The following COP1 variants were observed in gnomAD, a reference collection of about 807,000 sequenced individuals.
COP1 encodes the protein COP1 E3 ubiquitin ligase, also known as E3 ubiquitin-protein ligase COP1.
Under a neutral mutation model 101.3 loss-of-function variants are expected in COP1, and 24 were observed. The ratio of observed to expected loss-of-function variants is 0.24; its 90% confidence interval spans 0.17 to 0.33. The LOEUF (loss-of-function observed/expected upper bound fraction) is 0.33. COP1 is among the 10% of genes least tolerant of loss of function. COP1 has a pLI of 1.00. For missense variants in COP1, 663 were observed against 906.2 expected (o/e 0.73, Z 3.45); for synonymous variants, 347 against 341.9 (o/e 1.01, Z -0.17).
In COP1 at chr1:175,973,772, T is replaced by C. The variant is rs190650810; in HGVS notation, c.2133+13171A>G. Among the ~76,000 whole-genome samples the C allele has an allele frequency of 3.1e-3, 474 of 152,342 alleles. 2 individuals carry two copies. The highest frequency in any genetic ancestry group is 0.01 in the Middle Eastern group (3 of 294). On this transcript the variant is annotated intron_variant, in intron 18 of 19. Transcript: ENST00000367669. ...CCCAATGAACACTCTAATATTTTTGTGGCTACAAAACTCAGCATTGTGCAA... is the reference window on the plus strand; with the variant it reads ...CCCAATGAACACTCTAATATTTTTGCGGCTACAAAACTCAGCATTGTGCAA...
chr1:176,010,962 C>T (rs1664555365), intron 15 of COP1, among the ~76,000 whole-genome samples: 1 of 152,080 alleles, frequency 6.6e-6, no homozygotes, highest in South Asian at 2.1e-4. Flanking sequence ...AGCCTGAGGA[C>T]AGATTAAAGT....
At chr1:176,151,403 AAGAAAG>A (rs1692551928) in intron 5 of COP1, among the ~76,000 whole-genome samples, 1 of 135,644 alleles carries the variant, frequency 7.4e-6, no homozygotes, top group African/African-American at 2.5e-5. Flanking sequence ...GAAAGAAAGA[AAGAAAG>A]AAAGAAAGAA....
intron 15 of COP1, among the ~76,000 whole-genome samples, chr1:175,992,110 A>G (rs1253555577): frequency 3.3e-5 from 5 of 152,244 alleles, no homozygotes; most frequent in African/African-American, 1.2e-4. Context: ...TAGTTGGTAT[A>G]TACACTTATG....
intron 11 of COP1, among the ~76,000 whole-genome samples, chr1:176,049,517 A>G (rs1672169509): frequency 6.6e-6 from 1 of 152,090 alleles, no homozygotes; most frequent in East Asian, 1.9e-4. Flanking sequence ...AAAAGTATAA[A>G]GAATAATATT....
intron 9 of COP1, among the ~76,000 whole-genome samples, chr1:176,089,217 A>G (rs1680816834): frequency 6.6e-6 from 1 of 151,752 alleles, no homozygotes; most frequent in Non-Finnish European, 1.5e-5. Context: ...CACTTGAACC[A>G]GGGCTGCAGG....
In COP1 at chr1:175,979,565, A is replaced by G. The variant is rs559539028; in HGVS notation, c.2133+7378T>C. 1.3e-4 allele frequency among the ~76,000 whole-genome samples: 19 copies of G among 151,730 alleles called. No individual in the cohort carries two copies. The South Asian group carries it at 3.3e-3, about 27-fold the overall frequency. ...TGGAGAAGGGAAGGGAGAACATAAT[A>G]TAAATGTAATAAAAATATTAAGCCA... On this transcript the variant is annotated intron_variant, in intron 18 of 19. Transcript: ENST00000367669.
intron 15 of COP1, among the ~76,000 whole-genome samples, chr1:176,006,252 G>T (rs961166810): frequency 5.3e-5 from 8 of 152,076 alleles, no homozygotes; most frequent in Non-Finnish European, 1.0e-4. Flanking sequence ...CTCTGCACGT[G>T]AGATGGGTTT....
chr1:176,139,733 C>G (rs932995173), intron 6 of COP1, among the ~76,000 whole-genome samples: 2 of 152,250 alleles, frequency 1.3e-5, no homozygotes, highest in African/African-American at 4.8e-5. Context: ...ACCACATGTT[C>G]TCACTTATAA....
chr1:176,124,029 T>C (rs560761260), intron 8 of COP1, among the ~76,000 whole-genome samples: 32 of 152,300 alleles, frequency 2.1e-4, no homozygotes, highest in African/African-American at 7.5e-4. Context: ...ACACTGCAGT[T>C]TGGCTTCTTC....
At chr1:175,994,712 G>A (rs1174442919) in intron 15 of COP1, among the ~76,000 whole-genome samples, 1 of 152,144 alleles carries the variant, frequency 6.6e-6, no homozygotes, top group Admixed American at 6.5e-5. Context: ...AAATATATAT[G>A]CACCCAATAC....
chr1:176,003,660 T>C (rs1662354724), intron 15 of COP1, among the ~76,000 whole-genome samples: 1 of 152,190 alleles, frequency 6.6e-6, no homozygotes, highest in South Asian at 2.1e-4. Context: ...CAGATAGTTG[T>C]AGATACGTGG....
chr1:176,120,210 C>G (rs1686886938), intron 8 of COP1, among the ~76,000 whole-genome samples: 2 of 152,124 alleles, frequency 1.3e-5, no homozygotes, highest in East Asian at 3.9e-4. Flanking sequence ...CACCTGAGGT[C>G]AGGAGTTCAA....
intron 8 of COP1, among the ~76,000 whole-genome samples, chr1:176,128,900 C>A (rs1183070151): frequency 6.6e-6 from 1 of 151,854 alleles, no homozygotes; most frequent in African/African-American, 2.4e-5. Context: ...AGGTAATAAT[C>A]CAGCCAAAGA....
intron 14 of COP1, among the ~76,000 whole-genome samples, chr1:176,031,764 A>T (rs1391860340): frequency 6.6e-6 from 1 of 152,176 alleles, no homozygotes; most frequent in Non-Finnish European, 1.5e-5. Flanking sequence ...GTTAATGTGT[A>T]AAGTGTCTTC....
At chr1:176,173,390 C>T (rs940812711) in intron 3 of COP1, among the ~76,000 whole-genome samples, 2 of 147,426 alleles carry the variant, frequency 1.4e-5, no homozygotes, top group Admixed American at 1.4e-4. Context: ...AATCCCGACA[C>T]TTTAAGAAGC....
chr1:176,187,758 G>A (rs61821058), intron 1 of COP1, among the ~76,000 whole-genome samples: 10,239 of 152,190 alleles, frequency 0.067, 424 homozygotes, highest in Middle Eastern at 0.12. Context: ...TCAATACAAT[G>A]CCTGGCACAC....
At chr1:175,955,509 AG>A (rs1436880426) in intron 18 of COP1, among the ~76,000 whole-genome samples, 2 of 152,148 alleles carry the variant, frequency 1.3e-5, no homozygotes, top group African/African-American at 4.8e-5. Flanking sequence ...AGTCAAGAAA[AG>A]GAAAAAGCAT....
Position 176,027,754 on chromosome 1 carries a change from C to T in COP1, c.1613-66G>A, listed in dbSNP as rs1667927865. 3.1e-5 allele frequency: 30 copies of T among 970,384 alleles called. No homozygotes were observed. In the South Asian group the frequency reaches 3.9e-4, roughly 12 times the overall value. The allele number at this position is 970,384 out of a possible 1,614,324, so 60.1% of individuals were successfully genotyped here. The stretch of plus-strand genomic sequence containing the variant: ...AATACATTAGTAAATGCTTCTGTAA[C>T]TTGGGAAAGTTGGCTTATTGCTCCA... On this transcript the variant is annotated intron_variant, in intron 14 of 19. Transcript: ENST00000367669.
intron 10 of COP1, among the ~76,000 whole-genome samples, chr1:176,082,026 G>A (rs1222019980): frequency 6.6e-6 from 1 of 152,094 alleles, no homozygotes; most frequent in African/African-American, 2.4e-5. Context: ...AAATCATGTG[G>A]AATTTAAAAC....
Sources: gnomAD v4.1 joint callset for allele counts (sites outside exome capture counted in the v4.1 genomes callset) on GRCh38, gnomAD v4.1.1 for gene constraint, MANE v1.5 for transcripts, NCBI Gene and HGNC (gene_info 2026-07-23, HGNC 2026-07-21) for gene names.